Variants in TEKT1 observed in about 807,000 individuals in gnomAD.
TEKT1 encodes tektin 1, also known as tektin-1.
TEKT1 carries 32 observed loss-of-function variants against 34.8 expected under a neutral mutation model. The ratio of observed to expected loss-of-function variants is 0.92; its 90% confidence interval spans 0.69 to 1.23. TEKT1 has a LOEUF of 1.23. Among genes scored for constraint, TEKT1 ranks in the 50% most tolerant of loss-of-function variants. TEKT1 has a pLI of 0.00. For missense variants in TEKT1, 492 were observed against 518.5 expected, an observed-to-expected ratio of 0.95 and a Z score of 0.50; for synonymous variants, 207 against 199.8, an observed-to-expected ratio of 1.04 and a Z score of -0.30.
chr17:6,803,016 T>A (rs1976797035), intron 6 of TEKT1, among the ~76,000 whole-genome samples: 1 of 152,070 alleles, frequency 6.6e-6, no homozygotes, highest in African/African-American at 2.4e-5. Context: ...TAGTTCTAGA[T>A]CCCTGAGGAA....
In TEKT1 at chr17:6,819,374, A is replaced by G. The variant is rs1271106679; in HGVS notation, c.191-16T>C. The G allele has an allele frequency of 6.2e-7, 1 of 1,606,376 alleles. No homozygotes were observed. The highest frequency in any genetic ancestry group is 1.1e-5 in the South Asian group (1 of 89,202). On this transcript the variant is annotated splice_polypyrimidine_tract_variant and intron_variant, in intron 2 of 7. Coordinates refer to ENST00000338694, the MANE Select transcript of TEKT1 (RefSeq NM_053285.2). ...AGTCTCTGTTCTGAAGCACACGGGG[A>G]AGTTACACCAGGGCTAATCTATCCC...
At chr17:6,814,479 G>C (rs1976975187) in intron 5 of TEKT1, among the ~76,000 whole-genome samples, 1 of 152,176 alleles carries the variant, frequency 6.6e-6, no homozygotes, top group South Asian at 2.1e-4. Flanking sequence ...GTATGTGTGT[G>C]AGTGCACATG....
At position 6,798,073 on chromosome 17, in the gene TEKT1, A is replaced by G. The variant is rs1976718008; in HGVS notation, c.*1954T>C. The G allele has an allele frequency of 6.6e-6, 1 of 152,256 alleles. No homozygotes were observed. The highest frequency in any genetic ancestry group is 2.4e-5 in the African/African-American group (1 of 41,472). The allele number at this position is 152,256 out of a possible 1,614,324, so 9.4% of individuals were successfully genotyped here. On this transcript the variant is annotated 3_prime_UTR_variant, in exon 8 of 8. Transcript: ENST00000338694. ...TACATGTTGAGAAATGGCCTCAACC[A>G]TAATCAAAATCACATTTCCCTTAAA...
At chr17:6,808,893 G>A (rs1369953154) in intron 6 of TEKT1, among the ~76,000 whole-genome samples, 1 of 152,080 alleles carries the variant, frequency 6.6e-6, no homozygotes, top group East Asian at 1.9e-4. Context: ...AACTACTACT[G>A]CTATGAGTGA....
chr17:6,803,832 T>G (rs887503974), intron 6 of TEKT1, among the ~76,000 whole-genome samples: 12 of 152,222 alleles, frequency 7.9e-5, no homozygotes, highest in African/African-American at 2.7e-4. Flanking sequence ...TCTGTTTTGG[T>G]ACAAGTACCA....
At chr17:6,817,877 C>G (rs1224445024) in intron 3 of TEKT1, among the ~76,000 whole-genome samples, 1 of 152,228 alleles carries the variant, frequency 6.6e-6, no homozygotes, top group Non-Finnish European at 1.5e-5. Flanking sequence ...ACTTAGCAGC[C>G]TCTACGTTAT....
At chr17:6,803,520 A>G (rs1290539563) in intron 6 of TEKT1, among the ~76,000 whole-genome samples, 1 of 152,192 alleles carries the variant, frequency 6.6e-6, no homozygotes, top group Non-Finnish European at 1.5e-5. Flanking sequence ...TGTTTTAGAC[A>G]TGAAGTCCTT....
chr17:6,827,324 T>C lies in TEKT1; in HGVS notation c.190+2863A>G, dbSNP rs553614878. Reference sequence around the variant, plus strand: ...TCGCCCGGGCTGGAGTGCAGTGGCGTGATCTCGGCTCACTGCAACCTCCGC... The same window carrying C: ...TCGCCCGGGCTGGAGTGCAGTGGCGCGATCTCGGCTCACTGCAACCTCCGC... On this transcript the variant is annotated intron_variant, in intron 2 of 7. Coordinates refer to ENST00000338694, the MANE Select transcript of TEKT1 (RefSeq NM_053285.2). Among the ~76,000 whole-genome samples, 4 of 148,192 alleles carry C rather than the reference T, an allele frequency of 2.7e-5. No individual in the cohort carries two copies. In the East Asian group the frequency reaches 6.0e-4, roughly 22 times the overall value.
intron 6 of TEKT1, among the ~76,000 whole-genome samples, chr17:6,806,296 CTTTT>C (rs543425629): frequency 1.1e-3 from 160 of 151,934 alleles, no homozygotes; most frequent in Non-Finnish European, 1.8e-3. Flanking sequence ...CAACCCCTGC[CTTTT>C]TTTGTTTTCC....
intron 2 of TEKT1, among the ~76,000 whole-genome samples, chr17:6,822,035 C>T (rs1567681198): frequency 6.6e-6 from 1 of 152,114 alleles, no homozygotes; most frequent in East Asian, 1.9e-4. Context: ...GGGAAAATGT[C>T]TCCAGGGCAT....
At chr17:6,829,063 A>G (rs889856251) in intron 2 of TEKT1, among the ~76,000 whole-genome samples, 3 of 152,180 alleles carry the variant, frequency 2.0e-5, no homozygotes, top group Admixed American at 6.5e-5. Flanking sequence ...AGGCAGGAGA[A>G]GCGCTCGAAC....
intron 2 of TEKT1, among the ~76,000 whole-genome samples, chr17:6,821,476 G>T (rs1977089759): frequency 6.6e-6 from 1 of 152,172 alleles, no homozygotes; most frequent in Non-Finnish European, 1.5e-5. Context: ...GGAACTGTGG[G>T]TCGATTAAAC....
chr17:6,815,797 C>T (rs201362308), intron 4 of TEKT1, 37 bp downstream of exon 4: 2 of 1,611,620 alleles, frequency 1.2e-6, no homozygotes, highest in South Asian at 1.1e-5. Context: ...CTCAAAATTC[C>T]CAGTGGAGAT....
intron 4 of TEKT1, 111 bp from the exon 5 acceptor site, chr17:6,815,417 TG>T (rs1597790104): frequency 3.8e-6 from 5 of 1,306,674 alleles, no homozygotes; most frequent in Non-Finnish European, 5.5e-6. Context: ...TGCAGGATGA[TG>T]GTACTGCCCC....
intron 2 of TEKT1, among the ~76,000 whole-genome samples, chr17:6,825,417 C>T (rs1904366691): frequency 6.6e-6 from 1 of 152,154 alleles, no homozygotes; most frequent in African/African-American, 2.4e-5. Flanking sequence ...CTGCAAGCTC[C>T]CCAAGGGCAA....
Position 6,804,752 on chromosome 17 carries a change from C to A in TEKT1, c.853-3809G>T, listed in dbSNP as rs555089607. 5.1e-3 allele frequency among the ~76,000 whole-genome samples: 775 copies of A among 152,162 alleles called. 10 individuals are homozygous for A. The highest frequency in any genetic ancestry group is 0.016 in the African/African-American group (678 of 41,508). On this transcript the variant is annotated intron_variant, in intron 6 of 7. Transcript: ENST00000338694. The stretch of plus-strand genomic sequence containing the variant: ...TTTTGTCATTGGTTCTGTTTATATG[C>A]TGGATTATGTTTATTGATTTGCATA...
chr17:6,820,779 T>C (rs1440952236), intron 2 of TEKT1, among the ~76,000 whole-genome samples: 1 of 152,208 alleles, frequency 6.6e-6, no homozygotes, highest in African/African-American at 2.4e-5. Context: ...CTGTCCCGTT[T>C]CCTGGATTGT....
chr17:6,809,438 G>A (rs1295364785), intron 6 of TEKT1, among the ~76,000 whole-genome samples: 1 of 152,048 alleles, frequency 6.6e-6, no homozygotes, highest in Non-Finnish European at 1.5e-5. Context: ...CGCTGTGTTG[G>A]CCAAGCTGGT....
rs1259247708 is a variant in TEKT1 at position 6,806,797 on chromosome 17, C to G, written c.853-5854G>C. On this transcript the variant is annotated intron_variant, in intron 6 of 7. Transcript: ENST00000338694. ...CTTTAAGAATGTTGAATATCGGCCC[C>G]CACTCTCTTCTGGCTTGTAGAGTTT... is the stretch of plus-strand genomic sequence containing the variant. 5.9e-5 allele frequency among the ~76,000 whole-genome samples: 9 copies of G among 152,278 alleles called. No homozygotes were observed. The South Asian group carries it at 1.9e-3, about 32-fold the overall frequency.
Sources: allele counts gnomAD v4.1 joint callset (sites outside exome capture counted in the v4.1 genomes callset), GRCh38; gene constraint gnomAD v4.1.1; transcripts MANE v1.5; gene names NCBI Gene and HGNC (gene_info 2026-07-23, HGNC 2026-07-21).